Variants in STARD9 observed in about 807,000 individuals in gnomAD.
STARD9 encodes StAR related lipid transfer domain containing 9, also known as stAR-related lipid transfer protein 9.
A neutral mutation model predicts 399.8 loss-of-function variants in STARD9; 346 were observed. The ratio of observed to expected loss-of-function variants is 0.87; its 90% CI spans 0.79 to 0.95. STARD9 has a LOEUF of 0.95. Among genes scored for constraint, STARD9 ranks in the 40% least tolerant of loss-of-function variants. STARD9 has a pLI of 0.00. For missense variants in STARD9, 5,832 were observed against 5,667.5 expected, an observed-to-expected ratio of 1.03 and a Z score of -0.93; for synonymous variants, 2,203 against 2,143.5, an observed-to-expected ratio of 1.03 and a Z score of -0.77.
Position 42,685,264 on chromosome 15 carries a change from A to C in STARD9, c.3686A>C (p.Glu1229Ala). The C allele has an allele frequency of 1.3e-6, 2 of 1,537,562 alleles. No individual in the cohort carries two copies. The highest frequency in any genetic ancestry group is 8.7e-7 in the Non-Finnish European group (1 of 1,146,976). Residue 1229 changes from glutamate to alanine, a missense_variant, in exon 23 of 33, where the codon GAG becomes GCG. Physicochemically the swap from Glu to Ala is moderately radical, Grantham distance 107. This residue lies in a region of STARD9 where 5,828 missense variants were observed against 5,651.1 expected (regional missense o/e 1.03). Coordinates refer to ENST00000290607, the MANE Select transcript of STARD9 (RefSeq NM_020759.3). ...QEEPFPGSAD[E>A]IPTETFWHLE... is the part of the protein sequence containing the mutation. ...GAACCTTTCCCTGGTTCAGCTGACG[A>C]GATACCCACAGAGACTTTTTGGCAC...
intron 9 of STARD9, among the ~76,000 whole-genome samples, chr15:42,656,828 C>T (rs976806317): frequency 3.3e-5 from 5 of 151,900 alleles, no homozygotes; most frequent in Non-Finnish European, 5.9e-5. Context: ...GGCATAAGGA[C>T]GCAACAGCAT....
chr15:42,663,492 T>A lies in STARD9; in HGVS notation c.1078+2T>A. 1 of 1,537,234 alleles carries A rather than the reference T, an allele frequency of 6.5e-7. No individual in the cohort carries two copies. The highest frequency in any genetic ancestry group is 8.7e-7 in the Non-Finnish European group (1 of 1,146,860). On this transcript the variant is annotated splice_donor_variant, in intron 12 of 32. Coordinates refer to ENST00000290607, the MANE Select transcript of STARD9 (RefSeq NM_020759.3). LOFTEE classifies it high-confidence loss of function. ...ACTCTAAAACCATCATGGTTGCCAG[T>A]GAGTGGGATGCCAGAGCTGGACCTG...
rs777092034 is a variant in STARD9 at position 42,690,370 on chromosome 15, C to T, written c.8792C>T (p.Ser2931Leu). The change falls in exon 23 of 33, where the codon TCA becomes TTA. Residue 2931 changes from serine to leucine, a missense_variant. Around this residue, in one of 2 missense-constraint regions of STARD9, gnomAD observed 5,828 missense variants for 5,651.1 expected, o/e 1.03. Coordinates refer to ENST00000290607, the MANE Select transcript of STARD9 (RefSeq NM_020759.3). ...PREALDGPVF[S>L]RNPEGSRTLS... is the part of the protein sequence containing the mutation. ...GAAGCTTTAGATGGCCCTGTCTTCT[C>T]AAGGAACCCTGAAGGCAGCAGGACT... The T allele has an allele frequency of 1.8e-4, 274 of 1,537,116 alleles. No individual in the cohort carries two copies. The highest frequency in any genetic ancestry group is 4.5e-4 in the Admixed American group (23 of 50,988).
At chr15:42,663,084 G>T in intron 11 of STARD9, 193 bp downstream of exon 11, 1 of 699,882 alleles carries the variant, frequency 1.4e-6, no homozygotes, top group Non-Finnish European at 2.3e-6. Context: ...TCAAAGAGGG[G>T]AGTCTAAAAA....
chr15:42,601,965 G>A (rs1457295177), intron 3 of STARD9, among the ~76,000 whole-genome samples: 1 of 152,214 alleles, frequency 6.6e-6, no homozygotes, highest in African/African-American at 2.4e-5. Flanking sequence ...TCCTGCCTCA[G>A]CCTTCTGAGT....
intron 13 of STARD9, 103 bp downstream of exon 13, chr15:42,664,020 C>G (rs2060041249): frequency 1.4e-6 from 1 of 729,702 alleles, no homozygotes; most frequent in African/African-American, 1.8e-5. Context: ...CCTCAACTTT[C>G]CAGACTTGTC....
At chr15:42,707,997 A>AG (rs2061127422) in intron 26 of STARD9, among the ~76,000 whole-genome samples, 1 of 150,470 alleles carries the variant, frequency 6.6e-6, no homozygotes, top group African/African-American at 2.5e-5. Flanking sequence ...AACATAGAAA[A>AG]AAAAAAAAAA....
At chr15:42,617,102 G>A (rs531810140) in intron 3 of STARD9, among the ~76,000 whole-genome samples, 1 of 152,234 alleles carries the variant, frequency 6.6e-6, no homozygotes, top group Non-Finnish European at 1.5e-5. Flanking sequence ...TTGTGTAAAA[G>A]AATCCTAACA....
At chr15:42,624,039 A>G (rs766767325) in intron 3 of STARD9, among the ~76,000 whole-genome samples, 5 of 152,250 alleles carry the variant, frequency 3.3e-5, no homozygotes, top group Admixed American at 6.5e-5. Flanking sequence ...GATTGAAGGA[A>G]CAGCCCAGAA....
In STARD9 at chr15:42,693,804, C is replaced by A. The variant is rs1466653202; in HGVS notation, c.12226C>A (p.Pro4076Thr). The part of the protein sequence containing the change: ...PGEPQRTLDR[P>T]SSWGGLQHLS... ...GGAACCACAACGCACTCTGGACCGACCTTCTTCATGGGGAGGCCTCCAGCA... is the reference window on the plus strand; with the variant it reads ...GGAACCACAACGCACTCTGGACCGAACTTCTTCATGGGGAGGCCTCCAGCA... The change falls in exon 23 of 33, where the codon CCT becomes ACT. Residue 4076 changes from proline (P) to threonine (T), a missense_variant. Around this residue, in one of 2 missense-constraint regions of STARD9, gnomAD observed 5,828 missense variants for 5,651.1 expected, o/e 1.03. Coordinates refer to ENST00000290607, the MANE Select transcript of STARD9 (RefSeq NM_020759.3). 10 of 1,536,260 alleles carry A rather than the reference C, an allele frequency of 6.5e-6. No individual in the cohort carries two copies. In the East Asian group the frequency reaches 2.2e-4, roughly 34 times the overall value.
chr15:42,602,532 C>CAG (rs2141759431), intron 3 of STARD9, among the ~76,000 whole-genome samples: 1 of 152,332 alleles, frequency 6.6e-6, no homozygotes, highest in South Asian at 2.1e-4. Context: ...CTCAAGGGAT[C>CAG]AGATACAGAA....
chr15:42,643,600 C>T (rs935431195), intron 7 of STARD9, among the ~76,000 whole-genome samples: 59 of 141,730 alleles, frequency 4.2e-4, no homozygotes, highest in African/African-American at 1.6e-3. Flanking sequence ...AAGCGATTCT[C>T]CTGCCTCGGC....
At chr15:42,682,658 G>C in intron 22 of STARD9, 83 bp downstream of exon 22, 4 of 1,091,674 alleles carry the variant, frequency 3.7e-6, no homozygotes, top group Non-Finnish European at 5.1e-6. Flanking sequence ...TTTTCCCCAT[G>C]CCTCATTTCC....
intron 26 of STARD9, among the ~76,000 whole-genome samples, chr15:42,714,612 T>C (rs2061317969): frequency 1.3e-5 from 2 of 152,340 alleles, no homozygotes; most frequent in South Asian, 4.1e-4. Context: ...TTGATTCAAT[T>C]GTTGAGAATT....
chr15:42,658,384 C>T (rs368677578), intron 9 of STARD9, among the ~76,000 whole-genome samples: 8 of 151,632 alleles, frequency 5.3e-5, no homozygotes, highest in African/African-American at 1.9e-4. Context: ...TTATGTTGCC[C>T]AGGCTGGTCT....
At chr15:42,634,193 C>T (rs1390359338) in intron 3 of STARD9, among the ~76,000 whole-genome samples, 2 of 152,140 alleles carry the variant, frequency 1.3e-5, no homozygotes, top group Non-Finnish European at 1.5e-5. Context: ...TGTGCCTTCC[C>T]CATAAAGCTG....
Position 42,638,266 on chromosome 15 carries a change from T to G in STARD9, c.446+179T>G, listed in dbSNP as rs538607081. On this transcript the variant is annotated intron_variant, in intron 6 of 32. Coordinates refer to ENST00000290607, the MANE Select transcript of STARD9 (RefSeq NM_020759.3). ...ACTTAGGCCCTTGGTTGTAGGAAAC[T>G]TAATTTCCTACCCATAGACTTAACA... The G allele has an allele frequency of 6.9e-5, 44 of 634,832 alleles. No individual in the cohort carries two copies. The African/African-American group carries it at 7.9e-4, about 11-fold the overall frequency. 39.3% of individuals were successfully genotyped at this position (634,832 alleles called of 1,614,324 possible).
intron 10 of STARD9, among the ~76,000 whole-genome samples, chr15:42,662,154 G>C (rs1343526935): frequency 1.3e-5 from 2 of 152,162 alleles, no homozygotes; most frequent in Non-Finnish European, 2.9e-5. Flanking sequence ...AAAAAATCTT[G>C]AAAGGTTGAG....
At chr15:42,592,844 T>C (rs771411525) in intron 3 of STARD9, among the ~76,000 whole-genome samples, 41 of 152,342 alleles carry the variant, frequency 2.7e-4, no homozygotes, top group African/African-American at 8.7e-4. Context: ...AAAATTGGCC[T>C]GTATTTTTTC....
Sources: gnomAD v4.1 joint callset for allele counts (sites outside exome capture counted in the v4.1 genomes callset) on GRCh38, gnomAD v4.1.1 for gene constraint, gnomAD v4.1.1 regional missense constraint, MANE v1.5 for transcripts, NCBI Gene and HGNC (gene_info 2026-07-23, HGNC 2026-07-21) for gene names.